KIAA1217: variants seen among roughly 807,000 people sequenced by gnomAD.
KIAA1217 encodes the protein sickle tail protein homolog.
Under a neutral mutation model 163.9 loss-of-function variants are expected in KIAA1217, and 88 were observed. The ratio of observed to expected loss-of-function variants is 0.54; its 90% CI spans 0.45 to 0.64. The LOEUF (loss-of-function observed/expected upper bound fraction) is 0.64, where lower values mean the gene tolerates loss of function less well. KIAA1217 is among the 30% of genes least tolerant of loss of function. The pLI is 0.00. For synonymous variants in KIAA1217, 903 were observed against 923.1 expected (o/e 0.98, Z 0.39); for missense variants, 2,372 against 2,475.0 (o/e 0.96, Z 0.88).
chr10:24,538,043 C>T (rs2135302917), intron 17 of KIAA1217, among the ~76,000 whole-genome samples: 1 of 152,282 alleles, frequency 6.6e-6, no homozygotes, highest in Admixed American at 6.5e-5. Flanking sequence ...TTCAAAGATT[C>T]TAGCTTTCCT....
At chr10:24,439,210 T>C (rs949341576) in intron 5 of KIAA1217, among the ~76,000 whole-genome samples, 2 of 152,126 alleles carry the variant, frequency 1.3e-5, no homozygotes, top group Non-Finnish European at 2.9e-5. Context: ...AAAATAAGGC[T>C]ACATTCCTCT....
chr10:24,208,655 T>C (rs1394442131), upstream of KIAA1217: 1 of 152,196 alleles, frequency 6.6e-6, no homozygotes, highest in Non-Finnish European at 1.5e-5. Flanking sequence ...GTTCAACAGG[T>C]TGCTGTTTTT....
At chr10:24,258,350 G>A (rs529586675) in intron 2 of KIAA1217, among the ~76,000 whole-genome samples, 25 of 152,208 alleles carry the variant, frequency 1.6e-4, no homozygotes, top group South Asian at 2.1e-4. Flanking sequence ...AGACATGAGC[G>A]GGACATATTT....
At chr10:23,984,004 T>C (rs1845872599) in intron 1 of KIAA1217, among the ~76,000 whole-genome samples, 1 of 152,202 alleles carries the variant, frequency 6.6e-6, no homozygotes, top group South Asian at 2.1e-4. Flanking sequence ...AACAATCCCA[T>C]TTGAAAAGGT....
At chr10:24,222,943 C>T (rs2069867667) in intron 2 of KIAA1217, among the ~76,000 whole-genome samples, 1 of 152,136 alleles carries the variant, frequency 6.6e-6, no homozygotes, top group South Asian at 2.1e-4. Context: ...ATTCATGCCT[C>T]CCCTTTTTAG....
chr10:24,256,891 G>A (rs568061296), intron 2 of KIAA1217, among the ~76,000 whole-genome samples: 24 of 152,272 alleles, frequency 1.6e-4, no homozygotes, highest in African/African-American at 5.3e-4. Flanking sequence ...AAAGTGGGAC[G>A]CATCATAAGG....
At chr10:24,492,706 A>G (rs909539093) in intron 6 of KIAA1217, among the ~76,000 whole-genome samples, 7 of 152,230 alleles carry the variant, frequency 4.6e-5, no homozygotes, top group African/African-American at 1.7e-4. Context: ...ACTGAGAGTT[A>G]CATTCCAAAG....
At chr10:24,040,455 A>G (rs1311951036) in intron 2 of KIAA1217, among the ~76,000 whole-genome samples, 1 of 152,224 alleles carries the variant, frequency 6.6e-6, no homozygotes, top group Non-Finnish European at 1.5e-5. Flanking sequence ...TGAGAAAGCA[A>G]TTGTTCTTGG....
chr10:24,212,260 G>T (rs1005406317), intron 1 of KIAA1217, among the ~76,000 whole-genome samples: 3 of 152,198 alleles, frequency 2.0e-5, no homozygotes, highest in African/African-American at 7.2e-5. Context: ...GAACGGAGTT[G>T]CCATTTGCCT....
chr10:24,234,850 A>C (rs889909429), intron 2 of KIAA1217, among the ~76,000 whole-genome samples: 8 of 152,112 alleles, frequency 5.3e-5, no homozygotes, highest in African/African-American at 1.9e-4. Context: ...TTCTCTCTTA[A>C]ATGTGGCTCA....
intron 1 of KIAA1217, among the ~76,000 whole-genome samples, chr10:23,840,393 G>T (rs748836952): frequency 2.0e-5 from 3 of 152,070 alleles, no homozygotes; most frequent in Non-Finnish European, 4.4e-5. Flanking sequence ...GACCTCAGGT[G>T]ATCCACCCAC....
chr10:23,959,474 A>G (rs10828581), intron 1 of KIAA1217, among the ~76,000 whole-genome samples: 64,147 of 152,106 alleles, frequency 0.42, 16,769 homozygotes, highest in African/African-American at 0.74. Flanking sequence ...AGTGAGTGCC[A>G]CTGCACTTCA....
chr10:23,819,422 GAAA>G (rs1837515546), intron 1 of KIAA1217, among the ~76,000 whole-genome samples: 1 of 152,076 alleles, frequency 6.6e-6, no homozygotes, highest in Non-Finnish European at 1.5e-5. Flanking sequence ...TGTAATAAGG[GAAA>G]GATATGGAGC....
At chr10:23,796,654 C>T (rs779276333) in intron 1 of KIAA1217, among the ~76,000 whole-genome samples, 4 of 151,978 alleles carry the variant, frequency 2.6e-5, no homozygotes, top group South Asian at 2.1e-4. Flanking sequence ...TGAATCACTG[C>T]GCCCGGCTGC....
intron 1 of KIAA1217, among the ~76,000 whole-genome samples, chr10:23,853,376 G>A (rs1839461420): frequency 6.6e-6 from 1 of 152,156 alleles, no homozygotes; most frequent in Non-Finnish European, 1.5e-5. Flanking sequence ...ACTTGATCAT[G>A]TTGGATAAGC....
At chr10:23,786,961 G>A (rs1294236714) in intron 1 of KIAA1217, among the ~76,000 whole-genome samples, 2 of 152,118 alleles carry the variant, frequency 1.3e-5, no homozygotes, top group Non-Finnish European at 2.9e-5. Context: ...ATGAGAAATG[G>A]AAATCATGTT....
chr10:24,182,439 C>CACACACAT (rs2066223778), intron 2 of KIAA1217, among the ~76,000 whole-genome samples: 1 of 60,986 alleles, frequency 1.6e-5, no homozygotes, highest in African/African-American at 5.3e-5. Flanking sequence ...AAGACTCCAT[C>CACACACAT]ACACACACAC....
At chr10:24,152,726 T>TAAA (rs34022726) in intron 2 of KIAA1217, among the ~76,000 whole-genome samples, 2 of 144,724 alleles carry the variant, frequency 1.4e-5, no homozygotes. Flanking sequence ...TCTATTCCCT[T>TAAA]AAAAAAAAAA....
In KIAA1217 at chr10:23,969,184, G is replaced by A. The variant is rs113085081; in HGVS notation, c.-320-38041G>A. Among the ~76,000 whole-genome samples the A allele has an allele frequency of 8.0e-3, 1,215 of 152,188 alleles. 23 individuals carry two copies. Among genetic ancestry groups the A allele is most frequent in the African/African-American group, 0.027 (1,137 of 41,530 alleles). On this transcript the variant is annotated intron_variant, in intron 1 of 18. Coordinates refer to the KIAA1217 transcript ENST00000376462. ...CAAGTAGCTGGGATTACAGGCACGC[G>A]CCACTATGCCTGCCTAATTTTTTGT...
Sources: allele counts gnomAD v4.1 joint callset (sites outside exome capture counted in the v4.1 genomes callset), GRCh38; gene constraint gnomAD v4.1.1; transcripts MANE v1.5; gene names NCBI Gene and HGNC (gene_info 2026-07-23, HGNC 2026-07-21).